The following EYS variants were observed in gnomAD, a reference collection of about 807,000 sequenced individuals.
EYS encodes the protein protein eyes shut homolog.
A neutral mutation model predicts 282.1 loss-of-function variants in EYS; 250 were observed. The observed-to-expected ratio is 0.89, with a 90% CI of 0.80 to 0.98. The LOEUF is 0.98. Among genes scored for constraint, EYS ranks in the 50% least tolerant of loss-of-function variants. The pLI is 0.00. For missense variants in EYS, 4,016 were observed against 3,709.0 expected, an observed-to-expected ratio of 1.08 and a Z score of -2.15; for synonymous variants, 1,355 against 1,282.9, an observed-to-expected ratio of 1.06 and a Z score of -1.20.
At chr6:64,942,857 G>A (rs554064528) in intron 15 of EYS, among the ~76,000 whole-genome samples, 26 of 142,794 alleles carry the variant, frequency 1.8e-4, no homozygotes, top group Non-Finnish European at 3.2e-4. Context: ...AAATGAAGTC[G>A]AAGGAACTCC....
intron 29 of EYS, among the ~76,000 whole-genome samples, chr6:64,319,667 G>T (rs75485967): frequency 4.5e-4 from 69 of 151,876 alleles, no homozygotes; most frequent in African/African-American, 1.6e-3. Flanking sequence ...GTGTGTGTCT[G>T]TGTGTAAATA....
chr6:64,481,611 C>T lies in EYS; in HGVS notation c.5645-42259G>A, dbSNP rs1453161081. Among the ~76,000 whole-genome samples, 90 of 151,434 alleles carry T rather than the reference C, an allele frequency of 5.9e-4. 1 individual carries two copies. Among genetic ancestry groups the T allele is most frequent in the Non-Finnish European group, 1.2e-4 (8 of 67,626 alleles). ...GTATAAATTCAGCTCGAATTCATGT[C>T]ATAGAATGTTAGTCCTGAAACAAAC... On this transcript the variant is annotated intron_variant, in intron 26 of 42. Transcript: ENST00000503581.
At chr6:65,282,019 T>C (rs893049582) in intron 12 of EYS, among the ~76,000 whole-genome samples, 6 of 151,884 alleles carry the variant, frequency 4.0e-5, no homozygotes, top group African/African-American at 1.4e-4. Flanking sequence ...ATATGTGGAA[T>C]CTTAAACGAT....
At chr6:64,015,483 T>A (rs1768848086) in intron 33 of EYS, among the ~76,000 whole-genome samples, 1 of 151,884 alleles carries the variant, frequency 6.6e-6, no homozygotes, top group African/African-American at 2.4e-5. Context: ...TAGCTTTAAA[T>A]ATAAGGTAAA....
intron 31 of EYS, among the ~76,000 whole-genome samples, chr6:64,097,852 A>C (rs148629913): frequency 2.8e-3 from 430 of 152,344 alleles, no homozygotes; most frequent in Non-Finnish European, 4.4e-3. Flanking sequence ...GAAAACCAGA[A>C]CACAAAAAAA....
At chr6:64,674,997 T>A (rs1188618484) in intron 22 of EYS, among the ~76,000 whole-genome samples, 2 of 152,132 alleles carry the variant, frequency 1.3e-5, no homozygotes, top group Non-Finnish European at 2.9e-5. Context: ...CATGCTGAAA[T>A]TGTCAATAAC....
intron 30 of EYS, among the ~76,000 whole-genome samples, chr6:64,301,682 T>C (rs1430220903): frequency 3.3e-5 from 5 of 152,170 alleles, no homozygotes; most frequent in Non-Finnish European, 5.9e-5. Flanking sequence ...CCATCTCTGA[T>C]TACGCAGGCC....
At chr6:64,553,172 G>T (rs981526206) in intron 26 of EYS, among the ~76,000 whole-genome samples, 5 of 151,952 alleles carry the variant, frequency 3.3e-5, no homozygotes, top group African/African-American at 9.7e-5. Flanking sequence ...CTTGTATTTT[G>T]CTCAGAATAA....
intron 19 of EYS, among the ~76,000 whole-genome samples, chr6:64,831,957 G>C (rs1765231845): frequency 1.3e-5 from 2 of 151,882 alleles, no homozygotes. Context: ...ACTATGTTGA[G>C]AGCTTTGGAA....
At chr6:65,383,503 G>A (rs1765691253) in intron 8 of EYS, among the ~76,000 whole-genome samples, 1 of 151,360 alleles carries the variant, frequency 6.6e-6, no homozygotes, top group Non-Finnish European at 1.5e-5. Context: ...AATGAGGAAT[G>A]CTTATCAAAA....
chr6:65,684,446 C>T (rs552584960), intron 1 of EYS, among the ~76,000 whole-genome samples: 2 of 152,048 alleles, frequency 1.3e-5, no homozygotes, highest in Admixed American at 6.6e-5. Flanking sequence ...AGAGGACACC[C>T]GCCAGCACCT....
intron 2 of EYS, among the ~76,000 whole-genome samples, chr6:65,535,283 T>C (rs922590485): frequency 6.6e-6 from 1 of 152,126 alleles, no homozygotes. Context: ...TCAAATTTCA[T>C]CTTGAATTTT....
chr6:64,962,511 A>T (rs895396020), intron 14 of EYS, among the ~76,000 whole-genome samples: 15 of 151,810 alleles, frequency 9.9e-5, no homozygotes, highest in African/African-American at 3.6e-4. Flanking sequence ...CGGGAGGATC[A>T]CTTGATCCAG....
chr6:64,185,911 A>C (rs902203745), intron 31 of EYS, among the ~76,000 whole-genome samples: 2 of 152,156 alleles, frequency 1.3e-5, no homozygotes, highest in African/African-American at 4.8e-5. Context: ...TTAGATGTAA[A>C]AGTTAAAAAA....
At chr6:64,625,160 T>C (rs1253250534) in intron 23 of EYS, among the ~76,000 whole-genome samples, 2 of 151,402 alleles carry the variant, frequency 1.3e-5, no homozygotes, top group Non-Finnish European at 2.9e-5. Context: ...ATAAGATGAG[T>C]GGCAGAAGAT....
chr6:64,559,574 C>T (rs1188544863), intron 26 of EYS, among the ~76,000 whole-genome samples: 1 of 151,456 alleles, frequency 6.6e-6, no homozygotes, highest in African/African-American at 2.4e-5. Flanking sequence ...CATATATTTC[C>T]CTAAAGTTTT....
chr6:64,818,371 AC>A (rs1420819828), intron 21 of EYS, among the ~76,000 whole-genome samples: 6 of 152,148 alleles, frequency 3.9e-5, no homozygotes, highest in Non-Finnish European at 7.4e-5. Flanking sequence ...AAAAAACAAA[AC>A]AAAGTGTATT....
chr6:64,274,299 G>A (rs528247783), intron 30 of EYS, among the ~76,000 whole-genome samples: 21 of 151,988 alleles, frequency 1.4e-4, no homozygotes, highest in African/African-American at 3.9e-4. Context: ...ATCAGCTTCC[G>A]GAGTAGGTGG....
rs138098803 is a variant in EYS, at chr6:64,994,105, T to C, written c.2259+3477A>G. Reference sequence around the variant, plus strand: ...ATATTTAAATAACCACAAGAAATAGTTATTCTCAAATATACATAACAAAGT... The same window carrying C: ...ATATTTAAATAACCACAAGAAATAGCTATTCTCAAATATACATAACAAAGT... On this transcript the variant is annotated intron_variant, in intron 14 of 42. Coordinates refer to ENST00000503581, the MANE Select transcript of EYS (RefSeq NM_001142800.2). Among the ~76,000 whole-genome samples the C allele has an allele frequency of 9.8e-4, 149 of 152,064 alleles. 1 individual carries two copies. Among genetic ancestry groups the C allele is most frequent in the African/African-American group, 3.5e-3 (145 of 41,522 alleles).
Sources: allele counts gnomAD v4.1 joint callset (sites outside exome capture counted in the v4.1 genomes callset), GRCh38; gene constraint gnomAD v4.1.1; transcripts MANE v1.5; gene names NCBI Gene and HGNC (gene_info 2026-07-23, HGNC 2026-07-21).